PCNT: variants seen among roughly 807,000 people sequenced by gnomAD.
The protein encoded by PCNT is kendrin.
In PCNT, 319 loss-of-function variants were observed where a neutral mutation model predicts 380.4. That is an observed-to-expected ratio of 0.84 (90% CI 0.77 to 0.92). The LOEUF (loss-of-function observed/expected upper bound fraction) is 0.92. PCNT is among the 40% of genes least tolerant of loss of function. The pLI is 0.00. For missense variants in PCNT, 4,400 were observed against 4,255.3 expected (o/e 1.03, Z -0.95); for synonymous variants, 1,845 against 1,735.2 (o/e 1.06, Z -1.57).
Position 46,397,397 on chromosome 21 carries a change from A to G in PCNT, c.4349A>G (p.His1450Arg). 1 of 1,614,212 alleles carries G rather than the reference A, an allele frequency of 6.2e-7. No homozygotes were observed. Among genetic ancestry groups the G allele is most frequent in the East Asian group, 2.2e-5 (1 of 44,886 alleles). Reference sequence around the variant, plus strand: ...GAGTTAGAAGAACAGCTGTCTCAGCATCGCGGGTGTGCCAAGCAGGCGGAG... The same window carrying G: ...GAGTTAGAAGAACAGCTGTCTCAGCGTCGCGGGTGTGCCAAGCAGGCGGAG... ...ESELEEQLSQHRGCAKQAEAV... is the reference protein window; with the variant it reads ...ESELEEQLSQRRGCAKQAEAV... Residue 1450 changes from histidine (H) to arginine (R), a missense_variant, in exon 22 of 47, where the codon CAT becomes CGT. Transcript: ENST00000359568.
chr21:46,431,413 C>T, intron 37 of PCNT, 116 bp from the exon 38 acceptor site: 2 of 1,573,436 alleles, frequency 1.3e-6, no homozygotes, highest in Non-Finnish European at 1.7e-6. Flanking sequence ...TAATAGGGTG[C>T]ATTTCAAAAG....
intron 19 of PCNT, among the ~76,000 whole-genome samples, chr21:46,390,428 G>C (rs2085992109): frequency 6.6e-6 from 1 of 152,180 alleles, no homozygotes; most frequent in Non-Finnish European, 1.5e-5. Context: ...GGGAGTGTCT[G>C]GAGGAAGGGA....
rs866880948 is a variant in PCNT, at chr21:46,420,302, A to G, written c.7025-1668A>G. Among the ~76,000 whole-genome samples, 12 of 152,210 alleles carry G rather than the reference A, an allele frequency of 7.9e-5. No homozygotes were observed. In the Middle Eastern group the frequency reaches 0.014, roughly 173 times the overall value. On this transcript the variant is annotated intron_variant, in intron 31 of 46. Coordinates refer to ENST00000359568, the MANE Select transcript of PCNT (RefSeq NM_006031.6). ...ATCAGGCCTCCAAGATTGATTGTCAAATTTTCTTTCCTTATTTCTACTTCT... is the reference window on the plus strand; with the variant it reads ...ATCAGGCCTCCAAGATTGATTGTCAGATTTTCTTTCCTTATTTCTACTTCT...
At position 46,403,104 on chromosome 21, in the gene PCNT, G is replaced by C. The variant is rs185109046; in HGVS notation, c.5115+621G>C. 3.3e-5 allele frequency among the ~76,000 whole-genome samples: 5 copies of C among 152,200 alleles called. No homozygotes were observed. The East Asian group carries it at 9.7e-4, about 29-fold the overall frequency. The stretch of plus-strand genomic sequence containing the variant: ...GACCTTGTGTAGAATCGTGTGTGTG[G>C]TGCCCACACAACACGTGCTCAGTGA... On this transcript the variant is annotated intron_variant, in intron 27 of 46. Coordinates refer to ENST00000359568, the MANE Select transcript of PCNT (RefSeq NM_006031.6).
At position 46,438,322 on chromosome 21, in the gene PCNT, G is replaced by A; in HGVS notation, c.9258G>A (p.Lys3086=). The A allele has an allele frequency of 1.2e-6, 2 of 1,614,024 alleles. No homozygotes were observed. The highest frequency in any genetic ancestry group is 2.2e-5 in the South Asian group (2 of 91,078). The part of the protein sequence containing the change: ...LEKLLKHHLQ[K]GCSPSRSERS... ...AGTTGCTGAAGCACCATCTGCAGAA[G>A]GGCTGCAGCCCAAGCGTAGGTGTCT... Residue 3086 remains lysine (K), a synonymous_variant, in exon 41 of 47, where the codon AAG becomes AAA. Coordinates refer to ENST00000359568, the MANE Select transcript of PCNT (RefSeq NM_006031.6).
chr21:46,399,828 T>TCA (rs1449015873), intron 25 of PCNT, 32 bp downstream of exon 25: 2 of 1,580,018 alleles, frequency 1.3e-6, no homozygotes, highest in East Asian at 4.5e-5. Flanking sequence ...GTTGGGCACG[T>TCA]GGTGAGGTGT....
At chr21:46,417,281 C>A (rs984680343) in intron 30 of PCNT, among the ~76,000 whole-genome samples, 8 of 150,732 alleles carry the variant, frequency 5.3e-5, no homozygotes, top group Non-Finnish European at 1.0e-4. Context: ...GCAGCCTCCG[C>A]CTCCCCAGGT....
chr21:46,375,063 G>T (rs986235421), intron 15 of PCNT, among the ~76,000 whole-genome samples: 4 of 152,104 alleles, frequency 2.6e-5, no homozygotes, highest in African/African-American at 9.7e-5. Flanking sequence ...TTACTTTCCG[G>T]GATACCGCCC....
At chr21:46,374,812 G>C (rs957889728) in intron 15 of PCNT, among the ~76,000 whole-genome samples, 1 of 136,972 alleles carries the variant, frequency 7.3e-6, no homozygotes, top group East Asian at 2.1e-4. Flanking sequence ...TCGTGCCGTT[G>C]CACTCCAGCC....
intron 16 of PCNT, among the ~76,000 whole-genome samples, 184 bp from the exon 17 acceptor site, chr21:46,385,648 T>G (rs947849552): frequency 6.6e-6 from 1 of 152,244 alleles, no homozygotes. Context: ...CTTTGACCAC[T>G]GTCAGTGGAA....
At chr21:46,432,668 A>G (rs2300561) in intron 38 of PCNT, among the ~76,000 whole-genome samples, 55,551 of 152,062 alleles carry the variant, frequency 0.37, 10,797 homozygotes, top group Middle Eastern at 0.5. Context: ...TCTGTCACCC[A>G]GGCTGGAGTG....
Position 46,431,683 on chromosome 21 carries a change from T to C in PCNT, c.8219T>C (p.Leu2740Pro), listed in dbSNP as rs1343641835. 2 of 1,612,792 alleles carry C rather than the reference T, an allele frequency of 1.2e-6. No homozygotes were observed. The highest frequency in any genetic ancestry group is 1.7e-6 in the Non-Finnish European group (2 of 1,179,726). The part of the protein sequence containing the change: ...EALLAQERSQ[L>P]SELQKDLAAE... ...TTGCTGGCTCAGGAGCGGAGCCAGC[T>C]CTCTGAGCTCCAGAAGGACCTTGCG... The change falls in exon 38 of 47, where the codon CTC (leucine) becomes CCC (proline). Residue 2740 changes from leucine to proline, a missense_variant. Coordinates refer to ENST00000359568, the MANE Select transcript of PCNT (RefSeq NM_006031.6).
At chr21:46,438,438 G>C in intron 41 of PCNT, 101 bp downstream of exon 41, 1 of 1,028,686 alleles carries the variant, frequency 9.7e-7, no homozygotes, top group Non-Finnish European at 1.5e-6. Context: ...GGGACCTGGG[G>C]ATGTGGGCGT....
chr21:46,343,392 A>C (rs1462434854), intron 3 of PCNT, among the ~76,000 whole-genome samples: 1 of 152,132 alleles, frequency 6.6e-6, no homozygotes, highest in African/African-American at 2.4e-5. Context: ...TGAGATGATC[A>C]TATGATTTTT....
At chr21:46,403,390 T>C (rs1404951106) in intron 27 of PCNT, among the ~76,000 whole-genome samples, 1 of 145,870 alleles carries the variant, frequency 6.9e-6, no homozygotes, top group African/African-American at 2.6e-5. Flanking sequence ...GAATTGTGTG[T>C]GTGGTGCCCA....
chr21:46,407,851 T>C (rs1024829886), intron 27 of PCNT, among the ~76,000 whole-genome samples: 1 of 152,208 alleles, frequency 6.6e-6, no homozygotes, highest in Non-Finnish European at 1.5e-5. Context: ...GATACTTTTC[T>C]CTCTTTATTT....
chr21:46,422,726 C>T (rs1439527785), intron 32 of PCNT, among the ~76,000 whole-genome samples: 11 of 152,206 alleles, frequency 7.2e-5, no homozygotes, highest in Admixed American at 6.5e-4. Context: ...ACAGTCTTCA[C>T]ATCAGTGAAA....
intron 29 of PCNT, among the ~76,000 whole-genome samples, chr21:46,415,695 T>C (rs185506106): frequency 3.3e-4 from 50 of 152,312 alleles, no homozygotes; most frequent in African/African-American, 1.1e-3. Context: ...ATTTTTTGAA[T>C]TCTTAAGAGA....
At chr21:46,435,506 G>T (rs540863335) in intron 38 of PCNT, among the ~76,000 whole-genome samples, 1 of 151,052 alleles carries the variant, frequency 6.6e-6, no homozygotes, top group African/African-American at 2.4e-5. Context: ...GATTACAGGC[G>T]TGAGCCACCA....
Sources: gnomAD v4.1 joint callset for allele counts (sites outside exome capture counted in the v4.1 genomes callset) on GRCh38, gnomAD v4.1.1 for gene constraint, MANE v1.5 for transcripts, NCBI Gene and HGNC (gene_info 2026-07-23, HGNC 2026-07-21) for gene names.